The following DIP2B variants were observed in gnomAD, a reference collection of about 807,000 sequenced individuals.
DIP2B encodes the protein DIP2 acetate--CoA ligase B (putative).
In DIP2B, 76 loss-of-function variants were observed where a neutral mutation model predicts 198.0. That is an observed-to-expected ratio of 0.38 (90% CI 0.32 to 0.46). The LOEUF (loss-of-function observed/expected upper bound fraction) is 0.46. Ranked by LOEUF, DIP2B falls within the 20% of genes least tolerant of loss-of-function variation. DIP2B has a pLI of 0.99. For synonymous variants in DIP2B, 701 were observed against 739.1 expected (o/e 0.95, Z 0.84); for missense variants, 1,559 against 1,978.4 (o/e 0.79, Z 4.02).
chr12:50,565,330 C>G (rs1034409432), intron 1 of DIP2B, among the ~76,000 whole-genome samples: 3 of 151,784 alleles, frequency 2.0e-5, no homozygotes, highest in African/African-American at 4.8e-5. Context: ...ATGGGTCACT[C>G]TGTTGCCCAG....
At chr12:50,604,171 A>C (rs1480980780) in intron 1 of DIP2B, among the ~76,000 whole-genome samples, 1 of 135,964 alleles carries the variant, frequency 7.4e-6, no homozygotes, top group Admixed American at 8.4e-5. Flanking sequence ...TATAGTACAA[A>C]AGGTTTTACT....
In DIP2B at chr12:50,698,236, A is replaced by G. The variant is rs17124913; in HGVS notation, c.2049-92A>G. On this transcript the variant is annotated intron_variant, in intron 17 of 37. Transcript: ENST00000301180. ...AGAGAAAATGGAGAATTTTTTTGGT[A>G]TTGTAGCCAGAGGAAATTTGTCTTC... 1.9e-3 allele frequency: 2,852 copies of G among 1,467,640 alleles called. 63 individuals carry two copies. The African/African-American group carries it at 0.037, about 19-fold the overall frequency. The allele number at this position is 1,467,640 out of a possible 1,614,324, so 90.9% of individuals were successfully genotyped here.
rs148543495 is a variant in DIP2B, at chr12:50,544,222, CA to C, written c.100+38994del. Among the ~76,000 whole-genome samples, 114 of 142,854 alleles carry C rather than the reference CA, an allele frequency of 8.0e-4. 1 individual carries two copies. Among genetic ancestry groups the C allele is most frequent in the African/African-American group, 1.5e-3 (59 of 38,546 alleles). The allele number at this position is 142,854 out of a possible 152,430, so 93.7% of individuals were successfully genotyped here. On this transcript the variant is annotated intron_variant, in intron 1 of 37. Transcript: ENST00000301180. ...CTGGTGACAGAGTGAGACTCCATCT[CA>C]AAAAAAAAAAAGGAAATTAAAGAAG...
intron 23 of DIP2B, among the ~76,000 whole-genome samples, chr12:50,717,428 C>T (rs1453124447): frequency 5.2e-5 from 7 of 134,388 alleles, no homozygotes; most frequent in Non-Finnish European, 9.1e-5. Flanking sequence ...TGCAGTGGCG[C>T]GATCTTGGCT....
At chr12:50,703,227 T>TAAA (rs988731357) in intron 19 of DIP2B, among the ~76,000 whole-genome samples, 1 of 144,852 alleles carries the variant, frequency 6.9e-6, no homozygotes, top group South Asian at 2.2e-4. Context: ...TATCTCATTT[T>TAAA]AAAAAAAAAA....
chr12:50,742,776 A>G (rs1354461549), intron 37 of DIP2B, among the ~76,000 whole-genome samples: 4 of 151,850 alleles, frequency 2.6e-5, no homozygotes, highest in Admixed American at 6.6e-5. Flanking sequence ...GGCACCCGTA[A>G]TCCTAGCTGC....
At chr12:50,521,521 TCA>T (rs1958119877) in intron 1 of DIP2B, among the ~76,000 whole-genome samples, 2 of 137,400 alleles carry the variant, frequency 1.5e-5, no homozygotes, top group African/African-American at 2.8e-5. Flanking sequence ...AGATGGAGTC[TCA>T]CACTCTGTTG....
intron 3 of DIP2B, among the ~76,000 whole-genome samples, chr12:50,655,245 G>A (rs1017839441): frequency 6.6e-6 from 1 of 152,142 alleles, no homozygotes; most frequent in African/African-American, 2.4e-5. Context: ...AAGTGGAAAA[G>A]CAAAGTGCAA....
intron 9 of DIP2B, among the ~76,000 whole-genome samples, chr12:50,681,170 C>T (rs1939033664): frequency 6.6e-6 from 1 of 152,120 alleles, no homozygotes; most frequent in Admixed American, 6.6e-5. Flanking sequence ...GTGGTTCACA[C>T]CTGTAATCCC....
At chr12:50,623,421 ACACACACACACACACACTCTCTCTCT>A (rs1419290806) in intron 1 of DIP2B, among the ~76,000 whole-genome samples, 97 of 97,044 alleles carry the variant, frequency 1.0e-3, no homozygotes, top group African/African-American at 4.2e-3. Flanking sequence ...ACACACACAC[ACACACACACACACACACTCTCTCTCT>A]CTCTCTCTCT....
intron 1 of DIP2B, among the ~76,000 whole-genome samples, chr12:50,524,486 T>G (rs908095353): frequency 2.0e-4 from 31 of 152,138 alleles, no homozygotes; most frequent in Admixed American, 1.8e-3. Context: ...TGACTCTTCT[T>G]TCTCTTTTCC....
At position 50,699,216 on chromosome 12, in the gene DIP2B, A is replaced by G; in HGVS notation, c.2325+14A>G. On this transcript the variant is annotated intron_variant, in intron 19 of 37. Transcript: ENST00000301180. ...AATACATTTGAGGTACATGATATTA[A>G]CATTTCACAGGGAAAATGTTTGGGG... is the stretch of plus-strand genomic sequence containing the variant. The G allele has an allele frequency of 6.2e-7, 1 of 1,613,860 alleles. No homozygotes were observed. Among genetic ancestry groups the G allele is most frequent in the Non-Finnish European group, 8.5e-7 (1 of 1,179,914 alleles).
At chr12:50,649,275 A>T (rs1188976459) in intron 3 of DIP2B, among the ~76,000 whole-genome samples, 2 of 152,224 alleles carry the variant, frequency 1.3e-5, no homozygotes, top group African/African-American at 4.8e-5. Flanking sequence ...AAATAAACAT[A>T]TAAGAATAGC....
intron 1 of DIP2B, among the ~76,000 whole-genome samples, chr12:50,519,877 C>T (rs1168949011): frequency 6.6e-6 from 1 of 150,422 alleles, no homozygotes; most frequent in African/African-American, 2.4e-5. Flanking sequence ...TGCTTTTAGG[C>T]ATACATTAAA....
At position 50,504,995 on chromosome 12, in the gene DIP2B, T is replaced by G; in HGVS notation, c.-146T>G. ...GGGGCCGTCGCGCTCACGTGACCTT[T>G]GCTCATGGCGGCGGCGGCGGCGGCG... On this transcript the variant is annotated 5_prime_UTR_variant, in exon 1 of 38. Coordinates refer to ENST00000301180, the MANE Select transcript of DIP2B (RefSeq NM_173602.3). 1 of 542,768 alleles carries G rather than the reference T, an allele frequency of 1.8e-6. No homozygotes were observed. The highest frequency in any genetic ancestry group is 3.2e-6 in the Non-Finnish European group (1 of 309,494). The allele number at this position is 542,768 out of a possible 1,614,324, so 33.6% of individuals were successfully genotyped here. A position where few individuals can be genotyped will look rare whatever the true frequency, so the allele number is the denominator to read the frequency against.
chr12:50,676,013 A>G (rs1938939717), intron 7 of DIP2B, among the ~76,000 whole-genome samples: 1 of 152,230 alleles, frequency 6.6e-6, no homozygotes, highest in Admixed American at 6.5e-5. Flanking sequence ...ATCAGCCAAT[A>G]TAGGCACTTC....
At chr12:50,513,538 A>T (rs975397310) in intron 1 of DIP2B, among the ~76,000 whole-genome samples, 2 of 152,146 alleles carry the variant, frequency 1.3e-5, no homozygotes, top group Non-Finnish European at 2.9e-5. Context: ...CATATCCCTC[A>T]CTTGTCCTCA....
chr12:50,610,226 A>C (rs1959019665), intron 1 of DIP2B, among the ~76,000 whole-genome samples: 1 of 152,150 alleles, frequency 6.6e-6, no homozygotes, highest in Non-Finnish European at 1.5e-5. Flanking sequence ...CATAATATTC[A>C]GATGTGTGGT....
At position 50,671,253 on chromosome 12, in the gene DIP2B, A is replaced by G. The variant is rs567723801; in HGVS notation, c.495A>G (p.Gln165=). 7.4e-6 allele frequency: 12 copies of G among 1,614,180 alleles called. No homozygotes were observed. The highest frequency in any genetic ancestry group is 1.1e-5 in the South Asian group (1 of 91,080). The change falls in exon 5 of 38, where the codon CAA becomes CAG. Residue 165 remains glutamine, a synonymous_variant. Coordinates refer to ENST00000301180, the MANE Select transcript of DIP2B (RefSeq NM_173602.3). ...RRQAALSAAL[Q]QSLQNAESWI... Reference sequence around the variant, plus strand: ...AAGCTGCGCTCTCTGCTGCCTTGCAACAGAGCTTACAGAATGCTGAGTCCT... The same window carrying G: ...AAGCTGCGCTCTCTGCTGCCTTGCAGCAGAGCTTACAGAATGCTGAGTCCT...
Sources: allele counts gnomAD v4.1 joint callset (sites outside exome capture counted in the v4.1 genomes callset), GRCh38; gene constraint gnomAD v4.1.1; transcripts MANE v1.5; gene names NCBI Gene and HGNC (gene_info 2026-07-23, HGNC 2026-07-21).